Variants in RASL12 observed in about 807,000 individuals in gnomAD.
RASL12 encodes RAS like family 12.
In RASL12, 16 loss-of-function variants were observed where a neutral mutation model predicts 22.9. The observed-to-expected ratio is 0.70, with a 90% CI of 0.47 to 1.06. RASL12 has a LOEUF of 1.06. Among genes scored for constraint, RASL12 ranks in the 50% least tolerant of loss-of-function variants. The pLI is 0.00. For synonymous variants in RASL12, 159 were observed against 152.2 expected (o/e 1.04, Z -0.33); for missense variants, 306 against 353.1 (o/e 0.87, Z 1.07).
intron 2 of RASL12, among the ~76,000 whole-genome samples, chr15:65,060,669 TC>T (rs1325324097): frequency 6.6e-6 from 1 of 152,134 alleles, no homozygotes; most frequent in Non-Finnish European, 1.5e-5. Context: ...TCCCTAGGTG[TC>T]CCCTGCCCCT....
intron 2 of RASL12, among the ~76,000 whole-genome samples, chr15:65,063,033 G>A (rs780393498): frequency 3.3e-5 from 5 of 152,242 alleles, no homozygotes; most frequent in Non-Finnish European, 7.4e-5. Context: ...GTCTGCCCAC[G>A]CATTCCACTA....
upstream of RASL12, chr15:65,068,365 T>G: frequency 1.2e-6 from 1 of 866,772 alleles, no homozygotes; most frequent in Non-Finnish European, 1.4e-6. The surrounding 1 kb of genome is among the most constrained non-coding windows in gnomAD (Gnocchi z 4.2). Context: ...GGAAGCTTCC[T>G]GGGTTCAATT....
At chr15:65,052,045 G>A (rs2086660534), downstream of RASL12, among the ~76,000 whole-genome samples, 1 of 152,158 alleles carries the variant, frequency 6.6e-6, no homozygotes, top group African/African-American at 2.4e-5. Context: ...GAAGTCTAGG[G>A]GTACCTTGAA....
In RASL12 at chr15:65,054,452, T is replaced by C; in HGVS notation, c.*447A>G. 1 of 992,636 alleles carries C rather than the reference T, an allele frequency of 1.0e-6. No individual in the cohort carries two copies. Among genetic ancestry groups the C allele is most frequent in the South Asian group, 4.6e-5 (1 of 21,546 alleles). 61.5% of individuals were successfully genotyped at this position (992,636 alleles called of 1,614,324 possible). A position where few individuals can be genotyped will look rare whatever the true frequency, so the allele number is the denominator to read the frequency against. On this transcript the variant is annotated 3_prime_UTR_variant, in exon 5 of 5. Coordinates refer to ENST00000220062, the MANE Select transcript of RASL12 (RefSeq NM_016563.4). ...AACTGCAGCCGCCCTGCCTTTCCCGTCCACCAGGTGGCACAAGGACCCCAG... is the reference window on the plus strand; with the variant it reads ...AACTGCAGCCGCCCTGCCTTTCCCGCCCACCAGGTGGCACAAGGACCCCAG...
At chr15:65,065,147 CG>C (rs1175146820) in intron 2 of RASL12, 69 bp downstream of exon 2, 7 of 1,482,792 alleles carry the variant, frequency 4.7e-6, no homozygotes, top group Non-Finnish European at 6.5e-6. Flanking sequence ...TGCCCACCCA[CG>C]GGGTGGGTCC....
chr15:65,067,779 G>T lies in RASL12; in HGVS notation c.57C>A (p.Leu19=), dbSNP rs369738515. ...RAGSGPQSAP[L]EVNLAILGRR... ...GCCCCAGGATGGCCAGGTTGACCTC[G>T]AGGGGCGCGCTCTGAGGCCCGCTGC... The change falls in exon 1 of 5, where the codon CTC becomes CTA. Residue 19 remains leucine (L), a synonymous_variant. Transcript: ENST00000220062. 1.5e-4 allele frequency: 242 copies of T among 1,582,572 alleles called. No homozygotes were observed. The highest frequency in any genetic ancestry group is 2.0e-4 in the Non-Finnish European group (229 of 1,167,164).
Position 65,065,215 on chromosome 15 carries a change from A to G in RASL12, c.160+2T>C. On this transcript the variant is annotated splice_donor_variant, in intron 2 of 4. Coordinates refer to ENST00000220062, the MANE Select transcript of RASL12 (RefSeq NM_016563.4). LOFTEE classifies it high-confidence loss of function. ...CAGAAGGTACGGGGAGTAGTTTCTT[A>G]CCCAAGTTGGGGTCATATTCACTGA... The G allele has an allele frequency of 1.9e-6, 3 of 1,612,166 alleles. No homozygotes were observed. Among genetic ancestry groups the G allele is most frequent in the Non-Finnish European group, 2.5e-6 (3 of 1,179,284 alleles).
chr15:65,047,780 A>AGATC, the RASL12 span, among the ~76,000 whole-genome samples: 1 of 138,152 alleles, frequency 7.2e-6, no homozygotes, highest in African/African-American at 2.8e-5. Flanking sequence ...ATAGATAGAC[A>AGATC]GATAGATCGA....
chr15:65,050,114 A>C (rs2086630001), downstream of RASL12: 7 of 1,549,440 alleles, frequency 4.5e-6, no homozygotes, highest in East Asian at 1.7e-4. Context: ...AAGTGGTGAG[A>C]GATTGACGGC....
intron 1 of RASL12, among the ~76,000 whole-genome samples, chr15:65,074,632 G>T (rs1483400573): frequency 6.6e-6 from 1 of 152,142 alleles, no homozygotes; most frequent in Non-Finnish European, 1.5e-5. Flanking sequence ...CCTGACCTCA[G>T]GTGATCAACC....
chr15:65,050,836 C>CTTTTTT (rs57404080), downstream of RASL12, among the ~76,000 whole-genome samples: 6 of 95,634 alleles, frequency 6.3e-5, no homozygotes, highest in South Asian at 4.3e-4. Context: ...TCTTCTTCTT[C>CTTTTTT]TTTTTTTTTT....
chr15:65,049,341 A>G (rs2086618175), downstream of RASL12: 1 of 151,906 alleles, frequency 6.6e-6, no homozygotes, highest in Non-Finnish European at 1.5e-5. Context: ...AAAAAAAGAA[A>G]AAGAAAAAAA....
intron 1 of RASL12, among the ~76,000 whole-genome samples, 195 bp from the exon 2 acceptor site, chr15:65,065,468 G>A (rs1186358825): frequency 2.6e-5 from 4 of 152,162 alleles, no homozygotes; most frequent in East Asian, 1.9e-4. Flanking sequence ...GGGGAGCCAA[G>A]TGCCTCTAAT....
rs559747787 is a variant in RASL12, at chr15:65,067,658, A to T, written c.103+75T>A. ...CAAGCCAGTGGAAGAACCTGCCCCCAAGAGCACAGCCCACTGTCCCCCCAC... is the reference window on the plus strand; with the variant it reads ...CAAGCCAGTGGAAGAACCTGCCCCCTAGAGCACAGCCCACTGTCCCCCCAC... On this transcript the variant is annotated intron_variant, in intron 1 of 4. Coordinates refer to ENST00000220062, the MANE Select transcript of RASL12 (RefSeq NM_016563.4). 2.2e-5 allele frequency: 32 copies of T among 1,465,662 alleles called. No homozygotes were observed. In the South Asian group the frequency reaches 3.8e-4, roughly 17 times the overall value. 90.8% of individuals were successfully genotyped at this position (1,465,662 alleles called of 1,614,324 possible). A position where few individuals can be genotyped will look rare whatever the true frequency, so the allele number is the denominator to read the frequency against.
chr15:65,061,721 C>T (rs796680131), intron 2 of RASL12, among the ~76,000 whole-genome samples: 5 of 152,280 alleles, frequency 3.3e-5, no homozygotes, highest in South Asian at 2.1e-4. Context: ...CAGAAGCTCA[C>T]GTCAGAGTGT....
At chr15:65,074,553 C>A (rs574096210) in intron 1 of RASL12, among the ~76,000 whole-genome samples, 1 of 152,270 alleles carries the variant, frequency 6.6e-6, no homozygotes, top group South Asian at 2.1e-4. Flanking sequence ...TGCCACCACG[C>A]CCGGCTAATT....
intron 2 of RASL12, among the ~76,000 whole-genome samples, chr15:65,062,384 C>G (rs1395464410): frequency 6.6e-6 from 1 of 152,196 alleles, no homozygotes; most frequent in Non-Finnish European, 1.5e-5. Context: ...TCAGAGGGCC[C>G]CATGCCACAC....
At position 65,055,067 on chromosome 15, in the gene RASL12, G is replaced by T. The variant is rs2232762; in HGVS notation, c.633C>A (p.Thr211=). Residue 211 remains threonine, a synonymous_variant, in exon 5 of 5, where the codon ACC becomes ACA. Coordinates refer to ENST00000220062, the MANE Select transcript of RASL12 (RefSeq NM_016563.4). ...ERALPHQAPL[T]ARHGLASCTF... ...TGCAGCTGGCCAGCCCATGCCGCGC[G>T]GTGAGCGGGGCCTGGTGGGGCAGGG... The T allele has an allele frequency of 6.2e-6, 10 of 1,611,870 alleles. No individual in the cohort carries two copies. The highest frequency in any genetic ancestry group is 1.7e-5 in the Admixed American group (1 of 59,656).
At chr15:65,058,234 A>T (rs1223954968) in intron 4 of RASL12, among the ~76,000 whole-genome samples, 193 bp downstream of exon 4, 3 of 152,154 alleles carry the variant, frequency 2.0e-5, no homozygotes, top group Non-Finnish European at 4.4e-5. Flanking sequence ...GTGCCATTGC[A>T]CTCCAGCCTG....
Sources: gnomAD v4.1 joint callset for allele counts (sites outside exome capture counted in the v4.1 genomes callset) on GRCh38, gnomAD v4.1.1 for gene constraint, Gnocchi (gnomAD v3.1) non-coding constraint, MANE v1.5 for transcripts, NCBI Gene and HGNC (gene_info 2026-07-23, HGNC 2026-07-21) for gene names.